SCP2: variants seen among roughly 807,000 people sequenced by gnomAD.
The protein encoded by SCP2 is SCP-2/3-oxoacyl-CoA thiolase.
In SCP2, 48 loss-of-function variants were observed where a neutral mutation model predicts 71.4. The observed-to-expected ratio is 0.67, with a 90% CI of 0.53 to 0.86. The LOEUF (loss-of-function observed/expected upper bound fraction) is 0.86, where lower values mean the gene tolerates loss of function less well. Among genes scored for constraint, SCP2 ranks in the 40% least tolerant of loss-of-function variants. The probability of loss-of-function intolerance (pLI) is 0.00; values close to 1 mark genes in which losing one functional copy is unlikely to be tolerated. For synonymous variants in SCP2, 220 were observed against 218.1 expected (o/e 1.01, Z -0.08); for missense variants, 560 against 655.6 (o/e 0.85, Z 1.59).
intron 14 of SCP2, among the ~76,000 whole-genome samples, chr1:53,040,715 C>T (rs530322064): frequency 7.2e-5 from 11 of 151,906 alleles, no homozygotes; most frequent in African/African-American, 2.4e-4. Context: ...AGCGAGACTC[C>T]GTCTAAAAAA....
intron 15 of SCP2, 119 bp from the exon 16 acceptor site, chr1:53,050,489 AT>A: frequency 1.4e-6 from 1 of 691,848 alleles, no homozygotes; most frequent in South Asian, 1.6e-5. Context: ...CAAGTTTCAT[AT>A]TTTAGAGAAA....
chr1:53,045,137 T>C (rs1663705470), intron 14 of SCP2, among the ~76,000 whole-genome samples: 1 of 152,182 alleles, frequency 6.6e-6, no homozygotes, highest in South Asian at 2.1e-4. Context: ...ACGTGATGAA[T>C]GTTTACAAAT....
At chr1:52,984,836 T>G (rs1464182321) in intron 10 of SCP2, among the ~76,000 whole-genome samples, 1 of 113,322 alleles carries the variant, frequency 8.8e-6, no homozygotes, top group African/African-American at 5.3e-5. Flanking sequence ...CACACCCAGC[T>G]TTTCTTCTTT....
At chr1:52,932,180 G>T (rs1572036750) in intron 1 of SCP2, among the ~76,000 whole-genome samples, 1 of 151,988 alleles carries the variant, frequency 6.6e-6, no homozygotes, top group Non-Finnish European at 1.5e-5. Context: ...AAATAATAGA[G>T]AATTTTCCGA....
intron 11 of SCP2, chr1:52,996,085 C>T (rs1659915663): frequency 3.7e-6 from 3 of 805,408 alleles, no homozygotes; most frequent in Non-Finnish European, 1.7e-6. Flanking sequence ...CTCACCTGCC[C>T]CTTTTCTCTA....
At chr1:53,031,109 G>A (rs1662517296) in intron 13 of SCP2, among the ~76,000 whole-genome samples, 1 of 151,722 alleles carries the variant, frequency 6.6e-6, no homozygotes, top group African/African-American at 2.4e-5. Flanking sequence ...CTGACAAGTT[G>A]CTTCATTTAT....
At chr1:53,011,574 T>G (rs1304648666) in intron 11 of SCP2, among the ~76,000 whole-genome samples, 2 of 152,208 alleles carry the variant, frequency 1.3e-5, no homozygotes, top group Admixed American at 1.3e-4. Flanking sequence ...TTAGGAAATG[T>G]TTGCAGCAAG....
chr1:53,046,238 G>GT (rs1210716646), intron 14 of SCP2, among the ~76,000 whole-genome samples: 2 of 151,078 alleles, frequency 1.3e-5, no homozygotes, highest in Non-Finnish European at 2.9e-5. Flanking sequence ...CTTCCAGACT[G>GT]TTTTCTGAAA....
At position 52,939,555 on chromosome 1, in the gene SCP2, AAAC is replaced by A. The variant is rs1283020424; in HGVS notation, c.70-2232_70-2230del. Among the ~76,000 whole-genome samples, 3 of 152,332 alleles carry A rather than the reference AAAC, an allele frequency of 2.0e-5. No homozygotes were observed. In the East Asian group the frequency reaches 5.8e-4, roughly 29 times the overall value. On this transcript the variant is annotated intron_variant, in intron 1 of 15. Coordinates refer to ENST00000371514, the MANE Select transcript of SCP2 (RefSeq NM_002979.5). ...AGTGAGACTCCATCTCAACAAAACAAAACAACAACAAAAAACACCCATTTGTAG... is the reference window on the plus strand; with the variant it reads ...AGTGAGACTCCATCTCAACAAAACAAAACAACAAAAAACACCCATTTGTAG...
chr1:53,014,989 T>C lies in SCP2; in HGVS notation c.1181T>C (p.Ile394Thr), dbSNP rs1486316822. Residue 394 changes from isoleucine to threonine, a missense_variant, in exon 12 of 16, where the codon ATT (isoleucine) becomes ACT (threonine). Coordinates refer to ENST00000371514, the MANE Select transcript of SCP2 (RefSeq NM_002979.5). Reference sequence around the variant, plus strand: ...GTGGCTCTGCAGCATAATTTAGGCATTGGAGGAGCTGTGGTTGTAACACTC... The same window carrying C: ...GTGGCTCTGCAGCATAATTTAGGCACTGGAGGAGCTGTGGTTGTAACACTC... ...AKVALQHNLG[I>T]GGAVVVTLYK... 8.7e-6 allele frequency: 14 copies of C among 1,613,996 alleles called. No homozygotes were observed. The highest frequency in any genetic ancestry group is 1.2e-5 in the Non-Finnish European group (14 of 1,180,004).
chr1:52,978,225 C>A lies in SCP2; in HGVS notation c.683C>A (p.Ser228Ter), dbSNP rs756891047. 1 of 1,613,648 alleles carries A rather than the reference C, an allele frequency of 6.2e-7. No individual in the cohort carries two copies. Among genetic ancestry groups the A allele is most frequent in the Non-Finnish European group, 8.5e-7 (1 of 1,179,978 alleles). Residue 228 changes from serine to a stop codon, truncating the protein, a stop_gained, in exon 9 of 16, where the codon TCA (serine) becomes TAA (stop). Coordinates refer to ENST00000371514, the MANE Select transcript of SCP2 (RefSeq NM_002979.5). LOFTEE classifies it high-confidence loss of function. ...TTTTTACTTCCTCTTAGTCCCACTT[C>A]AGATGGTGCTGCAGCAGCAATTTTG... is the stretch of plus-strand genomic sequence containing the variant. ...FLTILQCCPT[S>*]DGAAAAILAS...
At chr1:53,024,571 T>C (rs56874601) in intron 12 of SCP2, among the ~76,000 whole-genome samples, 19,992 of 150,454 alleles carry the variant, frequency 0.13, 1,885 homozygotes, top group East Asian at 0.32. Context: ...TTCTTTCTTT[T>C]TTTTTCTTTT....
At chr1:52,984,549 T>A (rs921219061) in intron 10 of SCP2, among the ~76,000 whole-genome samples, 1 of 152,058 alleles carries the variant, frequency 6.6e-6, no homozygotes, top group Admixed American at 6.6e-5. Flanking sequence ...TTTTTTTTTT[T>A]TCTTTGAGAT....
At chr1:52,952,432 G>T (rs533385462) in intron 4 of SCP2, among the ~76,000 whole-genome samples, 9 of 152,180 alleles carry the variant, frequency 5.9e-5, no homozygotes, top group African/African-American at 2.2e-4. Flanking sequence ...TTGCTATGTT[G>T]CCCAGGCTGA....
At chr1:53,029,052 A>G (rs755118286) in intron 13 of SCP2, among the ~76,000 whole-genome samples, 12 of 152,328 alleles carry the variant, frequency 7.9e-5, no homozygotes, top group Middle Eastern at 6.8e-3. Flanking sequence ...CTAGGATTAC[A>G]GGGGTGAGCC....
At chr1:53,016,960 A>G (rs760076928) in intron 12 of SCP2, among the ~76,000 whole-genome samples, 6 of 152,216 alleles carry the variant, frequency 3.9e-5, no homozygotes, top group Non-Finnish European at 8.8e-5. Flanking sequence ...GTGTTGCAAC[A>G]CAGGCTGTGA....
chr1:53,016,955 G>T (rs1447779037), intron 12 of SCP2, among the ~76,000 whole-genome samples: 1 of 152,148 alleles, frequency 6.6e-6, no homozygotes, highest in African/African-American at 2.4e-5. Context: ...GTTTAGTGTT[G>T]CAACACAGGC....
At chr1:52,960,721 T>C (rs932089497) in intron 5 of SCP2, among the ~76,000 whole-genome samples, 9 of 142,298 alleles carry the variant, frequency 6.3e-5, no homozygotes, top group African/African-American at 2.7e-4. Context: ...TATGTGCGTG[T>C]GTGTGTGTGT....
At chr1:53,019,280 T>C (rs527674824) in intron 12 of SCP2, among the ~76,000 whole-genome samples, 110 of 152,222 alleles carry the variant, frequency 7.2e-4, no homozygotes, top group Non-Finnish European at 1.3e-3. Flanking sequence ...CTATACTTAT[T>C]AACTGGCATT....
Sources: gnomAD v4.1 joint callset for allele counts (sites outside exome capture counted in the v4.1 genomes callset) on GRCh38, gnomAD v4.1.1 for gene constraint, MANE v1.5 for transcripts, NCBI Gene and HGNC (gene_info 2026-07-23, HGNC 2026-07-21) for gene names.